Variants in LIPJ observed in about 807,000 individuals in gnomAD.
LIPJ encodes the protein lipase family member J, also known as lipase member J.
In LIPJ, 33 loss-of-function variants were observed where a neutral mutation model predicts 39.8. The observed-to-expected ratio is 0.83, with a 90% CI of 0.63 to 1.11. LIPJ has a LOEUF of 1.11. Ranked by LOEUF, LIPJ falls within the 50% of genes least tolerant of loss-of-function variation. The pLI, the probability that LIPJ is intolerant of heterozygous loss-of-function variation, is 0.00. For synonymous variants in LIPJ, 128 were observed against 139.2 expected (o/e 0.92, Z 0.57); for missense variants, 422 against 427.9 (o/e 0.99, Z 0.12).
At chr10:88,598,355 A>T (rs1435167929) in intron 8 of LIPJ, among the ~76,000 whole-genome samples, 1 of 152,080 alleles carries the variant, frequency 6.6e-6, no homozygotes, top group Non-Finnish European at 1.5e-5. Flanking sequence ...AAGTCATGAG[A>T]ACTGAAAGCA....
At chr10:88,585,513 C>T (rs1216662807), upstream of LIPJ, 1 of 152,150 alleles carries the variant, frequency 6.6e-6, no homozygotes, top group Non-Finnish European at 1.5e-5. Context: ...AAACAGTGAA[C>T]AGAATATGGT....
chr10:88,598,800 A>G (rs1013944429), intron 8 of LIPJ, among the ~76,000 whole-genome samples: 2 of 151,804 alleles, frequency 1.3e-5, no homozygotes, highest in Non-Finnish European at 2.9e-5. Flanking sequence ...TCTGGAGTGT[A>G]CCAGAAAACT....
chr10:88,619,683 T>C, the LIPJ span, among the ~76,000 whole-genome samples: 1 of 152,130 alleles, frequency 6.6e-6, no homozygotes, highest in Non-Finnish European at 1.5e-5. Flanking sequence ...AGAGTATATA[T>C]GTAATATCAA....
At chr10:88,589,827 G>GT (rs1199803863) in intron 2 of LIPJ, among the ~76,000 whole-genome samples, 2 of 151,730 alleles carry the variant, frequency 1.3e-5, no homozygotes, top group East Asian at 3.9e-4. Context: ...TGAGAAGTAG[G>GT]TATTAGTTGC....
chr10:88,608,348 T>C (rs980706391), downstream of LIPJ, among the ~76,000 whole-genome samples: 3 of 152,340 alleles, frequency 2.0e-5, no homozygotes, highest in South Asian at 4.1e-4. Flanking sequence ...GCTATGAATG[T>C]GCAGGGCCAG....
At chr10:88,617,496 A>G in the LIPJ span, among the ~76,000 whole-genome samples, 1 of 152,188 alleles carries the variant, frequency 6.6e-6, no homozygotes, top group South Asian at 2.1e-4. Context: ...AATGGTCCAG[A>G]AATATCAGTT....
intron 9 of LIPJ, among the ~76,000 whole-genome samples, chr10:88,605,286 T>C (rs1851623458): frequency 6.6e-6 from 1 of 152,176 alleles, no homozygotes; most frequent in Admixed American, 6.5e-5. Flanking sequence ...GTTATCTTAG[T>C]CTCAGTGCAA....
At chr10:88,605,603 A>G in intron 9 of LIPJ, 30 bp from the exon 10 acceptor site, 1 of 1,490,144 alleles carries the variant, frequency 6.7e-7, no homozygotes, top group East Asian at 2.3e-5. Flanking sequence ...TGAACAAATG[A>G]TATGGTCTTA....
chr10:88,596,385 G>A (rs1308750652), exon 7 of LIPJ: 1 of 1,544,618 alleles, frequency 6.5e-7, no homozygotes, highest in Non-Finnish European at 8.7e-7. Flanking sequence ...CCTTTAATTA[G>A]AATGACATAC....
At chr10:88,590,204 A>C (rs1395406410) in intron 2 of LIPJ, among the ~76,000 whole-genome samples, 10 of 151,802 alleles carry the variant, frequency 6.6e-5, no homozygotes, top group Admixed American at 1.3e-4. Flanking sequence ...AAAAACAATT[A>C]AATATATGTT....
chr10:88,588,729 T>A lies in LIPJ; in HGVS notation c.-104+1337T>A, dbSNP rs550202840. ...TGTTTAACAGAAAAATATTTTACACTGCTTTAGCTTTCATATTAAAATTAA... is the reference window on the plus strand; with the variant it reads ...TGTTTAACAGAAAAATATTTTACACAGCTTTAGCTTTCATATTAAAATTAA... On this transcript the variant is annotated intron_variant, in intron 2 of 10. Transcript: ENST00000371939. 2.0e-5 allele frequency among the ~76,000 whole-genome samples: 3 copies of A among 152,070 alleles called. No homozygotes were observed. In the South Asian group the frequency reaches 6.2e-4, roughly 31 times the overall value.
At chr10:88,607,035 A>G (rs1590091520), downstream of LIPJ, 2 of 1,067,444 alleles carry the variant, frequency 1.9e-6, no homozygotes, top group Non-Finnish European at 2.5e-6. Flanking sequence ...CTATATTCTC[A>G]TTGACCTTAG....
the LIPJ span, among the ~76,000 whole-genome samples, chr10:88,613,804 G>A: frequency 0.028 from 866 of 31,468 alleles, 12 homozygotes; most frequent in African/African-American, 0.095. Context: ...ATATATATGT[G>A]TGTGTGTGTG....
chr10:88,616,277 G>A, the LIPJ span, among the ~76,000 whole-genome samples: 2 of 152,108 alleles, frequency 1.3e-5, no homozygotes, highest in African/African-American at 2.4e-5. Flanking sequence ...TAGTGACCCC[G>A]CGGGGAAAGC....
the LIPJ span, among the ~76,000 whole-genome samples, chr10:88,614,946 G>A: frequency 3.9e-5 from 6 of 152,032 alleles, no homozygotes; most frequent in African/African-American, 1.4e-4. Context: ...AAACTTTGGG[G>A]TTTACAATAA....
chr10:88,605,392 C>T (rs747442550), intron 9 of LIPJ, among the ~76,000 whole-genome samples: 5 of 152,110 alleles, frequency 3.3e-5, no homozygotes, highest in Non-Finnish European at 5.9e-5. Flanking sequence ...TAGAAAAAGG[C>T]CCTGGGTATA....
At chr10:88,611,149 AC>A (rs2134594548), downstream of LIPJ, among the ~76,000 whole-genome samples, 1 of 152,252 alleles carries the variant, frequency 6.6e-6, no homozygotes, top group African/African-American at 2.4e-5. Flanking sequence ...GGATGGCTAG[AC>A]CCAGAAGAGC....
chr10:88,600,973 G>T (rs1290237455), intron 8 of LIPJ, among the ~76,000 whole-genome samples: 1 of 151,884 alleles, frequency 6.6e-6, no homozygotes, highest in Non-Finnish European at 1.5e-5. Flanking sequence ...TTTTGAGACA[G>T]AGTTTTGCTG....
At chr10:88,586,339 T>A (rs1405403937), upstream of LIPJ, among the ~76,000 whole-genome samples, 1 of 152,158 alleles carries the variant, frequency 6.6e-6, no homozygotes, top group Non-Finnish European at 1.5e-5. Flanking sequence ...AATGACTAGA[T>A]GACCTAGAAT....
Sources: gnomAD v4.1 joint callset for allele counts (sites outside exome capture counted in the v4.1 genomes callset) on GRCh38, gnomAD v4.1.1 for gene constraint, MANE v1.5 for transcripts, NCBI Gene and HGNC (gene_info 2026-07-23, HGNC 2026-07-21) for gene names.